Variants in XPO4 observed in about 807,000 individuals in gnomAD.
XPO4 encodes the protein exportin 4.
A neutral mutation model predicts 143.0 loss-of-function variants in XPO4; 39 were observed. The ratio of observed to expected loss-of-function variants is 0.27; its 90% confidence interval spans 0.21 to 0.36. XPO4 has a LOEUF of 0.36. Among genes scored for constraint, XPO4 ranks in the 10% least tolerant of loss-of-function variants. The pLI is 1.00. For synonymous variants in XPO4, 439 were observed against 474.0 expected (o/e 0.93, Z 0.96); for missense variants, 907 against 1,348.0 (o/e 0.67, Z 5.12).
At chr13:20,876,334 T>C (rs2060353659) in intron 1 of XPO4, among the ~76,000 whole-genome samples, 1 of 145,470 alleles carries the variant, frequency 6.9e-6, no homozygotes, top group Non-Finnish European at 1.5e-5. Context: ...TATGAAGACA[T>C]AATAGTAATT....
At chr13:20,826,048 T>C (rs1380216762) in intron 7 of XPO4, among the ~76,000 whole-genome samples, 2 of 152,154 alleles carry the variant, frequency 1.3e-5, no homozygotes, top group Non-Finnish European at 2.9e-5. Flanking sequence ...CAAAATAGCT[T>C]TTTTACTTTT....
In XPO4 at chr13:20,796,821, A is replaced by G; in HGVS notation, c.2559T>C (p.Asn853=). 2 of 1,614,048 alleles carry G rather than the reference A, an allele frequency of 1.2e-6. No individual in the cohort carries two copies. The highest frequency in any genetic ancestry group is 8.5e-7 in the Non-Finnish European group (1 of 1,179,964). Residue 853 remains asparagine (N), a synonymous_variant, in exon 17 of 23, where the codon AAT becomes AAC. Transcript: ENST00000255305. ...EVYKNTPETV[N]LIIEVFVEVA... is the part of the protein sequence containing the mutation. ...CTTCAACAAAAACTTCTATAATGAG[A>G]TTGACAGTCTCTGGGGTATTCTTGT...
chr13:20,782,001 T>A lies in XPO4; in HGVS notation c.*1721A>T, dbSNP rs146678370. ...CTTCCTAGCAGTCTTTTCAAGATGTTTTTGCTTCCCCTTAATTGTGACTCA... is the reference window on the plus strand; with the variant it reads ...CTTCCTAGCAGTCTTTTCAAGATGTATTTGCTTCCCCTTAATTGTGACTCA... On this transcript the variant is annotated 3_prime_UTR_variant, in exon 23 of 23. Transcript: ENST00000255305. 4.7e-4 allele frequency: 72 copies of A among 152,366 alleles called. 1 individual carries two copies. The highest frequency in any genetic ancestry group is 1.6e-3 in the African/African-American group (68 of 41,588). The allele number at this position is 152,366 out of a possible 1,614,324, so 9.4% of individuals were successfully genotyped here.
In XPO4 at chr13:20,787,504, G is replaced by T; in HGVS notation, c.3142C>A (p.Leu1048Ile). ...ACCTTAAGAAAGTGCCGTGTTGCTAGAAAAAGTGGTGAGTCTGTTTCTTGT... is the reference window on the plus strand; with the variant it reads ...ACCTTAAGAAAGTGCCGTGTTGCTATAAAAAGTGGTGAGTCTGTTTCTTGT... ...KAQETDSPLF[L>I]ATRHFLKLVF... The change falls in exon 21 of 23, where the codon CTA becomes ATA. Residue 1048 changes from leucine to isoleucine, a missense_variant. Transcript: ENST00000255305. 6.2e-7 allele frequency: 1 copy of T among 1,614,238 alleles called. No homozygotes were observed. Among genetic ancestry groups the T allele is most frequent in the Non-Finnish European group, 8.5e-7 (1 of 1,180,020 alleles).
At chr13:20,890,038 T>C (rs1304013990) in intron 1 of XPO4, among the ~76,000 whole-genome samples, 2 of 152,172 alleles carry the variant, frequency 1.3e-5, no homozygotes, top group Non-Finnish European at 2.9e-5. Flanking sequence ...CCAGAAGTAA[T>C]AAGAAGACAG....
Position 20,869,472 on chromosome 13 carries a change from G to A in XPO4, c.70-771C>T, listed in dbSNP as rs963552605. 5.2e-6 allele frequency: 5 copies of A among 961,658 alleles called. No individual in the cohort carries two copies. In the African/African-American group the frequency reaches 8.8e-5, roughly 17 times the overall value. 59.6% of individuals were successfully genotyped at this position (961,658 alleles called of 1,614,324 possible). A position where few individuals can be genotyped will look rare whatever the true frequency, so the allele number is the denominator to read the frequency against. On this transcript the variant is annotated intron_variant, in intron 1 of 22. Coordinates refer to ENST00000255305, the MANE Select transcript of XPO4 (RefSeq NM_022459.5). ...ATACTTAATTTGGGAAAGGGGGCTGGAGGTAGATGGCAGGAAAATAAACCT... is the reference window on the plus strand; with the variant it reads ...ATACTTAATTTGGGAAAGGGGGCTGAAGGTAGATGGCAGGAAAATAAACCT...
At chr13:20,836,412 TCCACTTGTCTTAATTGGC>T (rs2059917744) in intron 6 of XPO4, among the ~76,000 whole-genome samples, 1 of 152,190 alleles carries the variant, frequency 6.6e-6, no homozygotes, top group East Asian at 1.9e-4. Flanking sequence ...TGTTCTCCCA[TCCACTTGTCTTAATTGGC>T]TTTCTTATTT....
At chr13:20,852,163 A>G (rs1311567341) in intron 4 of XPO4, 1 of 985,328 alleles carries the variant, frequency 1.0e-6, no homozygotes. Flanking sequence ...CTAACAAGGG[A>G]AAGGCATTAG....
Position 20,781,946 on chromosome 13 carries a change from G to A in XPO4, c.*1776C>T, listed in dbSNP as rs891209874. 7.9e-5 allele frequency: 12 copies of A among 151,692 alleles called. No individual in the cohort carries two copies. The highest frequency in any genetic ancestry group is 2.4e-4 in the African/African-American group (10 of 41,308). 9.4% of individuals were successfully genotyped at this position (151,692 alleles called of 1,614,324 possible). A position where few individuals can be genotyped will look rare whatever the true frequency, so the allele number is the denominator to read the frequency against. On this transcript the variant is annotated 3_prime_UTR_variant, in exon 23 of 23. Transcript: ENST00000255305. ...AAAGTATTTTTTAAAATACAGAAAC[G>A]TGTACTTCTGGATGACTGATATTAA...
chr13:20,875,845 A>C (rs1436823003), intron 1 of XPO4, among the ~76,000 whole-genome samples: 7 of 152,236 alleles, frequency 4.6e-5, no homozygotes, highest in African/African-American at 1.2e-4. Context: ...CAGGTCTCCC[A>C]AAATTAATCT....
At chr13:20,826,505 A>C (rs1187095149) in intron 7 of XPO4, among the ~76,000 whole-genome samples, 1 of 152,214 alleles carries the variant, frequency 6.6e-6, no homozygotes, top group Non-Finnish European at 1.5e-5. Flanking sequence ...TAAAAAGTGG[A>C]ATTTCCCCGA....
chr13:20,876,593 TAGGA>T (rs1258015672), intron 1 of XPO4, among the ~76,000 whole-genome samples: 1 of 152,120 alleles, frequency 6.6e-6, no homozygotes, highest in Non-Finnish European at 1.5e-5. Context: ...GAAGAAAACA[TAGGA>T]AAGTATGATG....
intron 10 of XPO4, 99 bp downstream of exon 10, chr13:20,809,692 G>C: frequency 7.6e-7 from 1 of 1,322,468 alleles, no homozygotes; most frequent in Non-Finnish European, 1.0e-6. Context: ...TCTTCTGAGG[G>C]AACCCATCCT....
chr13:20,804,672 C>A (rs966523528), intron 13 of XPO4, among the ~76,000 whole-genome samples: 2 of 152,098 alleles, frequency 1.3e-5, no homozygotes, highest in Admixed American at 6.6e-5. Context: ...TGTTGATATT[C>A]CAAGATTAAT....
chr13:20,798,260 C>A (rs1020567972), intron 16 of XPO4, among the ~76,000 whole-genome samples: 1 of 152,168 alleles, frequency 6.6e-6, no homozygotes, highest in African/African-American at 2.4e-5. Flanking sequence ...TGGATGCAGA[C>A]ACACACAGGG....
intron 9 of XPO4, among the ~76,000 whole-genome samples, chr13:20,816,153 C>T (rs1260487661): frequency 6.6e-6 from 1 of 152,188 alleles, no homozygotes; most frequent in Non-Finnish European, 1.5e-5. Flanking sequence ...ACAATCCCCA[C>T]GTCTAACAAC....
At chr13:20,812,906 A>C (rs1566577302) in intron 9 of XPO4, among the ~76,000 whole-genome samples, 1 of 152,204 alleles carries the variant, frequency 6.6e-6, no homozygotes, top group Non-Finnish European at 1.5e-5. Flanking sequence ...AAGCCATAAA[A>C]AAGAATAGAT....
At chr13:20,810,897 A>G (rs756125024) in intron 9 of XPO4, among the ~76,000 whole-genome samples, 1 of 152,220 alleles carries the variant, frequency 6.6e-6, no homozygotes, top group Non-Finnish European at 1.5e-5. Context: ...ACTGAATTAA[A>G]GTGTTACACC....
chr13:20,892,397 AC>A (rs71090514), intron 1 of XPO4, among the ~76,000 whole-genome samples: 8,711 of 152,110 alleles, frequency 0.057, 628 homozygotes, highest in African/African-American at 0.17. Context: ...CAAATTTTAT[AC>A]TGTGTGAATT....
Sources: allele counts gnomAD v4.1 joint callset (sites outside exome capture counted in the v4.1 genomes callset), GRCh38; gene constraint gnomAD v4.1.1; transcripts MANE v1.5; gene names NCBI Gene and HGNC (gene_info 2026-07-23, HGNC 2026-07-21).